The following LRP5 variants were observed in gnomAD, a reference collection of about 807,000 sequenced individuals.
LRP5 encodes low-density lipoprotein receptor-related protein 5.
Under a neutral mutation model 154.1 loss-of-function variants are expected in LRP5, and 62 were observed. That is an observed-to-expected ratio of 0.40 (90% CI 0.33 to 0.50). LRP5 has a LOEUF of 0.50. Among genes scored for constraint, LRP5 ranks in the 20% least tolerant of loss-of-function variants. LRP5 has a pLI of 0.55. For synonymous variants in LRP5, 966 were observed against 1,011.5 expected, an observed-to-expected ratio of 0.96 and a Z score of 0.85; for missense variants, 1,915 against 2,336.7, an observed-to-expected ratio of 0.82 and a Z score of 3.72.
chr11:68,422,726 C>T (rs1383108272), intron 13 of LRP5, among the ~76,000 whole-genome samples: 4 of 152,020 alleles, frequency 2.6e-5, no homozygotes, highest in Non-Finnish European at 5.9e-5. Context: ...AGTCATTCCC[C>T]ACACTCACCT....
chr11:68,352,519 G>T (rs1479534036), intron 2 of LRP5, among the ~76,000 whole-genome samples: 1 of 152,220 alleles, frequency 6.6e-6, no homozygotes, highest in African/African-American at 2.4e-5. Context: ...GTTGGGAAGT[G>T]CTCAGTGCTA....
chr11:68,406,657 C>G lies in LRP5; in HGVS notation c.1935C>G (p.Ala645=). ...TGAAGACCTGCATCGTGCCTGAGGC[C>G]TTCTTGGTCTTCACCAGCAGAGCCG... ...SDMKTCIVPE[A]FLVFTSRAAI... is the part of the protein sequence containing the mutation. Residue 645 remains alanine (A), a synonymous_variant, in exon 9 of 23, where the codon GCC becomes GCG. Coordinates refer to ENST00000294304, the MANE Select transcript of LRP5 (RefSeq NM_002335.4). 6.2e-7 allele frequency: 1 copy of G among 1,614,176 alleles called. No individual in the cohort carries two copies. The highest frequency in any genetic ancestry group is 8.5e-7 in the Non-Finnish European group (1 of 1,180,046).
chr11:68,403,610 T>C lies in LRP5; in HGVS notation c.1712T>C (p.Val571Ala), dbSNP rs1273936125. Residue 571 changes from valine (V) to alanine (A), a missense_variant, in exon 8 of 23, where the codon GTG becomes GCG. Physicochemically the swap from Val to Ala is moderately conservative, Grantham distance 64. Transcript: ENST00000294304. Reference protein sequence around the residue: ...TDWQRRSIERVHKVKASRDVI... With the variant: ...TDWQRRSIERAHKVKASRDVI... ...TGGCAGCGCCGCAGCATCGAGCGGGTGCACAAGGTCAAGGCCAGCCGGGAC... is the reference window on the plus strand; with the variant it reads ...TGGCAGCGCCGCAGCATCGAGCGGGCGCACAAGGTCAAGGCCAGCCGGGAC... 1 of 1,614,012 alleles carries C rather than the reference T, an allele frequency of 6.2e-7. No individual in the cohort carries two copies. Among genetic ancestry groups the C allele is most frequent in the Non-Finnish European group, 8.5e-7 (1 of 1,180,042 alleles).
Position 68,324,922 on chromosome 11 carries a change from C to T in LRP5, c.91+12117C>T, listed in dbSNP as rs146261131. 1.3e-3 allele frequency among the ~76,000 whole-genome samples: 195 copies of T among 152,348 alleles called. 1 individual carries two copies. Among genetic ancestry groups the T allele is most frequent in the African/African-American group, 4.6e-3 (192 of 41,574 alleles). On this transcript the variant is annotated intron_variant, in intron 1 of 22. Coordinates refer to ENST00000294304, the MANE Select transcript of LRP5 (RefSeq NM_002335.4). ...GCCACTGGGTGCTAGGCGCTGGGCT[C>T]TGGGCGGCCTCCTTGCTGTGCTTTT...
rs778004788 is a variant in LRP5, at chr11:68,439,873, C to T, written c.4445C>T (p.Ser1482Leu). The change falls in exon 21 of 23, where the codon TCG (serine) becomes TTG (leucine). Residue 1482 changes from serine to leucine, a missense_variant. Transcript: ENST00000294304. ...LYDRNHVTGA[S>L]SSSSSSTKAT... ...GACCGGAACCACGTCACAGGGGCCT[C>T]GTCCAGCAGCTCGTCCAGCACGAAG... 3.0e-5 allele frequency: 48 copies of T among 1,593,126 alleles called. No homozygotes were observed. Among genetic ancestry groups the T allele is most frequent in the Admixed American group, 8.7e-5 (5 of 57,494 alleles).
intron 2 of LRP5, among the ~76,000 whole-genome samples, chr11:68,355,574 C>A (rs1194563193): frequency 6.6e-6 from 1 of 152,198 alleles, no homozygotes; most frequent in Non-Finnish European, 1.5e-5. Flanking sequence ...TCACGCCCAG[C>A]CTCTGGGCAC....
chr11:68,409,111 C>A (rs2098657731), intron 9 of LRP5, among the ~76,000 whole-genome samples: 1 of 95,828 alleles, frequency 1.0e-5, no homozygotes, highest in African/African-American at 4.4e-5. Flanking sequence ...CACATACACG[C>A]ACACACACAT....
chr11:68,396,784 G>A (rs761664536), intron 7 of LRP5, among the ~76,000 whole-genome samples: 1 of 152,140 alleles, frequency 6.6e-6, no homozygotes, highest in African/African-American at 2.4e-5. Context: ...ACAGCTGGGA[G>A]TGGCGGTGGT....
intron 7 of LRP5, 61 bp downstream of exon 7, chr11:68,390,113 G>C (rs2098645489): frequency 6.3e-7 from 1 of 1,593,652 alleles, no homozygotes; most frequent in Non-Finnish European, 8.6e-7. Flanking sequence ...CCTGCAGCCA[G>C]ATGTACGTAT....
chr11:68,397,184 G>A (rs945578930), intron 7 of LRP5, among the ~76,000 whole-genome samples: 1 of 152,130 alleles, frequency 6.6e-6, no homozygotes, highest in Admixed American at 6.5e-5. Context: ...CCGCCCACCT[G>A]GGCTCAGCCA....
At chr11:68,338,218 G>A (rs2098606802) in intron 1 of LRP5, among the ~76,000 whole-genome samples, 1 of 152,174 alleles carries the variant, frequency 6.6e-6, no homozygotes, top group Non-Finnish European at 1.5e-5. Context: ...CTAGTGTAAT[G>A]CTTGGTGAAT....
At chr11:68,303,227 GTTCAAGTGATC>G in the LRP5 span, among the ~76,000 whole-genome samples, 1 of 152,176 alleles carries the variant, frequency 6.6e-6, no homozygotes, top group Admixed American at 6.5e-5. Flanking sequence ...AACCTCCTGG[GTTCAAGTGATC>G]CTCTTGCCTC....
chr11:68,366,250 G>A (rs2098631013), intron 5 of LRP5, among the ~76,000 whole-genome samples: 1 of 152,170 alleles, frequency 6.6e-6, no homozygotes, highest in Admixed American at 6.5e-5. Flanking sequence ...GTAGCGTGAT[G>A]GGGCCCAGCT....
intron 1 of LRP5, among the ~76,000 whole-genome samples, chr11:68,313,376 G>T (rs1372109973): frequency 2.0e-5 from 3 of 152,090 alleles, no homozygotes; most frequent in Non-Finnish European, 2.9e-5. Flanking sequence ...GTGCCCGGGC[G>T]ACCCGAATGC....
At position 68,429,691 on chromosome 11, in the gene LRP5, A is replaced by G. The variant is rs2098670872; in HGVS notation, c.3754A>G (p.Thr1252Ala). ...CCTCGTGCTCCTGCAGAACCTGCTGACCTGTGGAGGTAGGTGTGACCTAGG... is the reference window on the plus strand; with the variant it reads ...CCTCGTGCTCCTGCAGAACCTGCTGGCCTGTGGAGGTAGGTGTGACCTAGG... Reference protein sequence around the residue: ...VHLVLLQNLLTCGEPPTCSPD... With the variant: ...VHLVLLQNLLACGEPPTCSPD... The change falls in exon 17 of 23, where the codon ACC becomes GCC. Residue 1252 changes from threonine (T) to alanine (A), a missense_variant. Around this residue, in one of 3 missense-constraint regions of LRP5, gnomAD observed 1,094 missense variants for 1,210.1 expected, o/e 0.90. Coordinates refer to ENST00000294304, the MANE Select transcript of LRP5 (RefSeq NM_002335.4). 1 of 1,614,100 alleles carries G rather than the reference A, an allele frequency of 6.2e-7. No homozygotes were observed.
At chr11:68,420,955 G>A (rs557702272) in intron 13 of LRP5, among the ~76,000 whole-genome samples, 5 of 152,262 alleles carry the variant, frequency 3.3e-5, no homozygotes, top group Middle Eastern at 3.4e-3. Flanking sequence ...GGCCGGGCGC[G>A]GTGGCTCACG....
In LRP5 at chr11:68,439,782, G is replaced by A. The variant is rs780134568; in HGVS notation, c.4354G>A (p.Ala1452Thr). The A allele has an allele frequency of 1.1e-5, 18 of 1,610,816 alleles. No individual in the cohort carries two copies. The East Asian group carries it at 3.1e-4, about 28-fold the overall frequency. The change falls in exon 21 of 23, where the codon GCA becomes ACA. Residue 1452 changes from alanine to threonine, a missense_variant. By Grantham distance (58) the Ala-to-Thr change is moderately conservative. Around this residue, in one of 3 missense-constraint regions of LRP5, gnomAD observed 1,094 missense variants for 1,210.1 expected, o/e 0.90. Transcript: ENST00000294304. ...GSQHGPFTGI[A>T]CGKSMMSSVS... ...CCCCGTCCCTTCCCTGCCAGGCATC[G>A]CATGCGGAAAGTCCATGATGAGCTC... is the stretch of plus-strand genomic sequence containing the variant.
intron 3 of LRP5, among the ~76,000 whole-genome samples, chr11:68,361,627 ACT>A (rs2098628172): frequency 6.6e-6 from 1 of 152,046 alleles, no homozygotes; most frequent in Non-Finnish European, 1.5e-5. Context: ...ACAGAGCGAG[ACT>A]CTGTCTCAAA....
At chr11:68,391,415 T>C (rs560999448) in intron 7 of LRP5, among the ~76,000 whole-genome samples, 1 of 152,382 alleles carries the variant, frequency 6.6e-6, no homozygotes, top group South Asian at 2.1e-4. Context: ...TGAAGGATTT[T>C]CCTGAGCTGC....
Sources: gnomAD v4.1 joint callset for allele counts (sites outside exome capture counted in the v4.1 genomes callset) on GRCh38, gnomAD v4.1.1 for gene constraint, gnomAD v4.1.1 regional missense constraint, MANE v1.5 for transcripts, NCBI Gene and HGNC (gene_info 2026-07-23, HGNC 2026-07-21) for gene names.